MED16: variants seen among roughly 807,000 people sequenced by gnomAD.
MED16 encodes mediator of RNA polymerase II transcription subunit 16.
In MED16, 81 loss-of-function variants were observed where a neutral mutation model predicts 84.4. The observed-to-expected ratio is 0.96, with a 90% CI of 0.80 to 1.15. The LOEUF is 1.15. Ranked by LOEUF, MED16 falls within the 50% of genes most tolerant of loss-of-function variation. The pLI is 0.00. For missense variants in MED16, 1,585 were observed against 1,245.9 expected (o/e 1.27, Z -4.10); for synonymous variants, 897 against 552.2 (o/e 1.62, Z -8.76).
intron 8 of MED16, among the ~76,000 whole-genome samples, chr19:879,310 C>A (rs2036354048): frequency 6.6e-6 from 1 of 152,108 alleles, no homozygotes; most frequent in African/African-American, 2.4e-5. Flanking sequence ...TGTCAATGCC[C>A]ACCAAGCCCA....
chr19:882,599 GGGCA>G (rs1200385956), intron 6 of MED16, among the ~76,000 whole-genome samples: 1 of 152,232 alleles, frequency 6.6e-6, no homozygotes, highest in Non-Finnish European at 1.5e-5. Flanking sequence ...GGGACACGGA[GGGCA>G]GCTGGAGCCG....
At position 872,404 on chromosome 19, in the gene MED16, G is replaced by A. The variant is rs548838191; in HGVS notation, c.1906-286C>T. Among the ~76,000 whole-genome samples the A allele has an allele frequency of 2.4e-4, 36 of 152,164 alleles. No homozygotes were observed. The East Asian group carries it at 5.6e-3, about 24-fold the overall frequency. ...CTGAGGCCAATATCCCCACCTGCAC[G>A]TGGAGGAGCAGCCGCCCCCTCCTAC... On this transcript the variant is annotated intron_variant, in intron 11 of 15. Coordinates refer to ENST00000325464, the MANE Select transcript of MED16 (RefSeq NM_005481.3).
chr19:887,410 G>A (rs1449115503), intron 4 of MED16, among the ~76,000 whole-genome samples: 15 of 152,230 alleles, frequency 9.9e-5, no homozygotes, highest in East Asian at 7.7e-4. Context: ...GCTCACGCCT[G>A]TAATCTCAGC....
intron 9 of MED16, among the ~76,000 whole-genome samples, chr19:875,661 G>A (rs1292054180): frequency 6.6e-6 from 1 of 152,208 alleles, no homozygotes; most frequent in Non-Finnish European, 1.5e-5. Flanking sequence ...TCAGCTGGGA[G>A]CGGCTCTGCC....
rs369567178 is a variant in MED16, at chr19:884,883, G to A, written c.985+20C>T. 573 of 1,585,084 alleles carry A rather than the reference G, an allele frequency of 3.6e-4. 1 individual carries two copies. The highest frequency in any genetic ancestry group is 6.6e-4 in the Middle Eastern group (4 of 6,018). ...CCCCGAGGGCAGGCCCAGGGCCTCC[G>A]CAGCCGGCGGGAGACTCACCCACGG... On this transcript the variant is annotated intron_variant, in intron 6 of 15. Transcript: ENST00000325464.
At chr19:878,355 A>ACCAAGC (rs2036316256) in intron 8 of MED16, among the ~76,000 whole-genome samples, 7 of 14,250 alleles carry the variant, frequency 4.9e-4, no homozygotes, top group South Asian at 2.3e-3. Context: ...GTCAATGCCC[A>ACCAAGC]CCAGCCCCAG....
chr19:868,379 G>A (rs937615822), intron 15 of MED16, 37 bp downstream of exon 15: 3 of 1,602,082 alleles, frequency 1.9e-6, no homozygotes, highest in Non-Finnish European at 1.7e-6. Context: ...GGGCTCAGGG[G>A]TAGCTGAGGG....
chr19:868,097 GC>G lies in MED16; in HGVS notation c.*3del. On this transcript the variant is annotated 3_prime_UTR_variant, in exon 16 of 16. Transcript: ENST00000325464. ...ACCACAAGGTCCGCCTGGACCCCCG[GC>G]CGTCACGGACGGTCCTCTGGATGCA... The G allele has an allele frequency of 6.2e-7, 1 of 1,600,700 alleles. No individual in the cohort carries two copies. Among genetic ancestry groups the G allele is most frequent in the Admixed American group, 1.8e-5 (1 of 56,272 alleles).
chr19:869,060 C>G, intron 13 of MED16, 114 bp from the exon 14 acceptor site: 1 of 876,350 alleles, frequency 1.1e-6, no homozygotes, highest in Non-Finnish European at 1.7e-6. Context: ...ACACCATCTG[C>G]CAGGTGGGCC....
At chr19:888,660 C>G (rs1477620328) in intron 4 of MED16, among the ~76,000 whole-genome samples, 1 of 152,110 alleles carries the variant, frequency 6.6e-6, no homozygotes, top group Non-Finnish European at 1.5e-5. Flanking sequence ...TCTGTGAACT[C>G]CATCCCGACA....
intron 9 of MED16, 111 bp downstream of exon 9, chr19:876,863 G>GGCCCCC (rs1178671320): frequency 1.0e-5 from 9 of 887,922 alleles, no homozygotes; most frequent in African/African-American, 1.0e-4. Flanking sequence ...CCTGGCACGG[G>GGCCCCC]ACCACCTGCC....
At chr19:886,270 ACACGCG>A in intron 4 of MED16, 69 bp from the exon 5 acceptor site, 2 of 1,322,046 alleles carry the variant, frequency 1.5e-6, no homozygotes, top group Non-Finnish European at 2.0e-6. Flanking sequence ...ACCCCCAGAA[ACACGCG>A]CACAGAAGAA....
rs187847126 is a variant in MED16, at chr19:890,254, C to T, written c.170-10G>A. The T allele has an allele frequency of 1.7e-5, 26 of 1,526,834 alleles. No homozygotes were observed. The highest frequency in any genetic ancestry group is 6.3e-5 in the Admixed American group (3 of 47,344). The allele number at this position is 1,526,834 out of a possible 1,614,324, so 94.6% of individuals were successfully genotyped here. A position where few individuals can be genotyped will look rare whatever the true frequency, so the allele number is the denominator to read the frequency against. On this transcript the variant is annotated splice_polypyrimidine_tract_variant and intron_variant, in intron 2 of 15. Coordinates refer to ENST00000325464, the MANE Select transcript of MED16 (RefSeq NM_005481.3). ...ATCATGCGGGTCAGGTCTGTGGGGA[C>T]GGGGCATGGTCAGCACGGCCTGGCA...
At chr19:871,376 G>A (rs2036050068) in intron 12 of MED16, 123 bp from the exon 13 acceptor site, 11 of 1,318,788 alleles carry the variant, frequency 8.3e-6, no homozygotes, top group South Asian at 4.4e-5. Flanking sequence ...CTGTCTGCCT[G>A]GCTGGGTGAC....
Position 879,561 on chromosome 19 carries a change from C to G in MED16, c.1353+376G>C, listed in dbSNP as rs527399684. On this transcript the variant is annotated intron_variant, in intron 8 of 15. Transcript: ENST00000325464. ...CCAGGGCCACGCCCCAGCAGCTCGC[C>G]TTCCCCTGGTTGTCAATGCCCAGCA... Among the ~76,000 whole-genome samples the G allele has an allele frequency of 4.2e-4, 58 of 138,222 alleles. 2 individuals carry two copies. The highest frequency in any genetic ancestry group is 1.5e-3 in the African/African-American group (54 of 35,502). The allele number at this position is 138,222 out of a possible 152,430, so 90.7% of individuals were successfully genotyped here. A position where few individuals can be genotyped will look rare whatever the true frequency, so the allele number is the denominator to read the frequency against.
At chr19:869,261 T>A (rs1244800343) in intron 13 of MED16, among the ~76,000 whole-genome samples, 2 of 152,254 alleles carry the variant, frequency 1.3e-5, no homozygotes, top group East Asian at 3.9e-4. Context: ...CCGGGGAGCC[T>A]GAGGTGCAGG....
intron 10 of MED16, among the ~76,000 whole-genome samples, chr19:874,320 GC>G (rs961472987): frequency 2.0e-5 from 3 of 152,140 alleles, no homozygotes; most frequent in African/African-American, 7.2e-5. Flanking sequence ...CACCGTGTTA[GC>G]CAGGATGATC....
At chr19:869,591 G>A (rs2035998163) in intron 13 of MED16, among the ~76,000 whole-genome samples, 1 of 152,122 alleles carries the variant, frequency 6.6e-6, no homozygotes. Flanking sequence ...CCCACAGTGA[G>A]CACGAGGAAG....
At chr19:888,277 T>A (rs1382732083) in intron 4 of MED16, among the ~76,000 whole-genome samples, 4 of 151,692 alleles carry the variant, frequency 2.6e-5, no homozygotes, top group Non-Finnish European at 5.9e-5. Context: ...ATCCCAGCAC[T>A]TTGGGAGGCT....
Sources: allele counts gnomAD v4.1 joint callset (sites outside exome capture counted in the v4.1 genomes callset), GRCh38; gene constraint gnomAD v4.1.1; transcripts MANE v1.5; gene names NCBI Gene and HGNC (gene_info 2026-07-23, HGNC 2026-07-21).